AK3: variants seen among roughly 807,000 people sequenced by gnomAD.
AK3 encodes adenylate kinase 3, also known as GTP:AMP phosphotransferase AK3, mitochondrial.
AK3 carries 27 observed loss-of-function variants against 23.7 expected under a neutral mutation model. The ratio of observed to expected loss-of-function variants is 1.14; its 90% CI spans 0.84 to 1.57. The LOEUF is 1.57. Ranked by LOEUF, AK3 falls within the 40% of genes most tolerant of loss-of-function variation. The pLI, the probability that AK3 is intolerant of heterozygous loss-of-function variation, is 0.00. For synonymous variants in AK3, 159 were observed against 116.0 expected, an observed-to-expected ratio of 1.37 and a Z score of -2.38; for missense variants, 406 against 285.6, an observed-to-expected ratio of 1.42 and a Z score of -3.04.
chr9:4,722,299 G>C (rs1373089726), intron 2 of AK3, among the ~76,000 whole-genome samples: 3 of 152,132 alleles, frequency 2.0e-5, no homozygotes, highest in Admixed American at 2.0e-4. Context: ...ACATCTGAAG[G>C]GAGCTTAGAA....
chr9:4,734,607 G>A (rs1488814045), intron 1 of AK3, among the ~76,000 whole-genome samples: 1 of 152,112 alleles, frequency 6.6e-6, no homozygotes, highest in African/African-American at 2.4e-5. Context: ...AACTTATTTT[G>A]TTAAAAAATA....
chr9:4,721,792 T>C (rs930405208), intron 2 of AK3, among the ~76,000 whole-genome samples: 1 of 152,238 alleles, frequency 6.6e-6, no homozygotes, highest in East Asian at 1.9e-4. Context: ...TTAGCACTTA[T>C]ATCTGTGCTT....
At chr9:4,724,092 G>C (rs1841966255) in intron 1 of AK3, among the ~76,000 whole-genome samples, 3 of 152,176 alleles carry the variant, frequency 2.0e-5, no homozygotes. Context: ...CTGTCATGTG[G>C]CACGTGTGCT....
intron 1 of AK3, among the ~76,000 whole-genome samples, chr9:4,740,677 C>T (rs1391111147): frequency 6.6e-6 from 1 of 152,206 alleles, no homozygotes; most frequent in Non-Finnish European, 1.5e-5. Context: ...CCGGTGGTTT[C>T]CTTTCATCTC....
intron 2 of AK3, among the ~76,000 whole-genome samples, 177 bp downstream of exon 2, chr9:4,722,329 T>A (rs1841919705): frequency 6.6e-6 from 1 of 152,208 alleles, no homozygotes; most frequent in South Asian, 2.1e-4. Flanking sequence ...TTCACTTCCC[T>A]CTTTCCATTT....
intron 4 of AK3, 37 bp from the exon 5 acceptor site, chr9:4,713,133 G>A (rs780281634): frequency 6.2e-7 from 1 of 1,605,052 alleles, no homozygotes; most frequent in Non-Finnish European, 8.5e-7. Flanking sequence ...ACACACACAG[G>A]TCTGAGTCTT....
intron 4 of AK3, among the ~76,000 whole-genome samples, chr9:4,717,668 T>A (rs1323591017): frequency 1.3e-5 from 2 of 152,226 alleles, no homozygotes; most frequent in African/African-American, 2.4e-5. Flanking sequence ...TGTACAACCA[T>A]CCTGCTTTTC....
chr9:4,741,380 C>G, upstream of AK3: 1 of 305,912 alleles, frequency 3.3e-6, no homozygotes, highest in Non-Finnish European at 6.0e-6. Flanking sequence ...TGCGCTCGCT[C>G]GGCCGCCCAG....
At chr9:4,715,424 ACT>A in intron 4 of AK3, among the ~76,000 whole-genome samples, 1 of 128,500 alleles carries the variant, frequency 7.8e-6, no homozygotes, top group Admixed American at 8.7e-5. Context: ...ACAGGGTCTC[ACT>A]CTGACACCCG....
At position 4,724,663 on chromosome 9, in the gene AK3, C is replaced by T. The variant is rs140090281; in HGVS notation, c.152-2038G>A. 7.1e-3 allele frequency among the ~76,000 whole-genome samples: 1,087 copies of T among 152,130 alleles called. 24 individuals are homozygous for T. Among genetic ancestry groups the T allele is most frequent in the African/African-American group, 0.025 (1,033 of 41,484 alleles). On this transcript the variant is annotated intron_variant, in intron 1 of 4. Coordinates refer to ENST00000381809, the MANE Select transcript of AK3 (RefSeq NM_016282.4). ...GTGTGGTGGCTCATGGCTGTAGTCT[C>T]AGCTACTCAGGAGACTGAGGTGGGA...
At chr9:4,723,180 T>C (rs1013828017) in intron 1 of AK3, among the ~76,000 whole-genome samples, 10 of 152,360 alleles carry the variant, frequency 6.6e-5, no homozygotes, top group Admixed American at 2.6e-4. Flanking sequence ...TGTAAAGGTA[T>C]AGACCAATAT....
At position 4,709,731 on chromosome 9, in the gene AK3, T is replaced by A. The variant is rs1310228486; in HGVS notation, c.*3245A>T. 6.6e-6 allele frequency: 1 copy of A among 152,234 alleles called. No individual in the cohort carries two copies. The highest frequency in any genetic ancestry group is 1.5e-5 in the Non-Finnish European group (1 of 68,038). 9.4% of individuals were successfully genotyped at this position (152,234 alleles called of 1,614,324 possible). On this transcript the variant is annotated 3_prime_UTR_variant, in exon 5 of 5. Coordinates refer to ENST00000381809, the MANE Select transcript of AK3 (RefSeq NM_016282.4). ...ACACTATTTTAACTGTTTAAAAATTTTTTAACCATAACTTCCAAGATGAAA... is the reference window on the plus strand; with the variant it reads ...ACACTATTTTAACTGTTTAAAAATTATTTAACCATAACTTCCAAGATGAAA...
chr9:4,738,065 A>G (rs1363068256), intron 1 of AK3, among the ~76,000 whole-genome samples: 2 of 152,252 alleles, frequency 1.3e-5, no homozygotes, highest in Non-Finnish European at 1.5e-5. Context: ...CCAAATGTTT[A>G]TGTGCAGGGA....
chr9:4,723,815 C>A (rs1156502443), intron 1 of AK3, among the ~76,000 whole-genome samples: 1 of 152,164 alleles, frequency 6.6e-6, no homozygotes, highest in Non-Finnish European at 1.5e-5. Flanking sequence ...TTTTCCTCAT[C>A]ACCAAAGACT....
intron 1 of AK3, among the ~76,000 whole-genome samples, chr9:4,739,647 G>T (rs1015956822): frequency 6.6e-6 from 1 of 151,556 alleles, no homozygotes; most frequent in Non-Finnish European, 1.5e-5. Context: ...AAAGATACAC[G>T]TTGGCCGGGC....
chr9:4,727,094 A>G (rs1290160567), intron 1 of AK3, among the ~76,000 whole-genome samples: 2 of 152,222 alleles, frequency 1.3e-5, no homozygotes, highest in Admixed American at 6.5e-5. Flanking sequence ...ATGTGCTGTC[A>G]TCCAGGCTTT....
At chr9:4,723,837 G>C (rs1319469698) in intron 1 of AK3, among the ~76,000 whole-genome samples, 1 of 152,050 alleles carries the variant, frequency 6.6e-6, no homozygotes, top group Non-Finnish European at 1.5e-5. Context: ...TTGTTCTTTT[G>C]CTTTTATTTT....
intron 2 of AK3, among the ~76,000 whole-genome samples, chr9:4,720,324 T>C (rs955049823): frequency 6.6e-6 from 1 of 152,206 alleles, no homozygotes; most frequent in African/African-American, 2.4e-5. Context: ...ATGTTGTTAC[T>C]AAGGACATTT....
intron 4 of AK3, among the ~76,000 whole-genome samples, chr9:4,715,921 G>T (rs933562431): frequency 6.6e-6 from 1 of 152,156 alleles, no homozygotes; most frequent in African/African-American, 2.4e-5. Context: ...GGATGGACAT[G>T]ATCAGAGCTA....
Sources: gnomAD v4.1 joint callset for allele counts (sites outside exome capture counted in the v4.1 genomes callset) on GRCh38, gnomAD v4.1.1 for gene constraint, MANE v1.5 for transcripts, NCBI Gene and HGNC (gene_info 2026-07-23, HGNC 2026-07-21) for gene names.